Variants in EIF2AK4 observed in about 807,000 individuals in gnomAD.
EIF2AK4 encodes eIF-2-alpha kinase GCN2.
EIF2AK4 carries 139 observed loss-of-function variants against 211.1 expected under a neutral mutation model. The observed-to-expected ratio is 0.66, with a 90% CI of 0.57 to 0.76. The LOEUF (loss-of-function observed/expected upper bound fraction) is 0.76. Ranked by LOEUF, EIF2AK4 falls within the 30% of genes least tolerant of loss-of-function variation. The probability of loss-of-function intolerance (pLI) is 0.00; values close to 1 mark genes in which losing one functional copy is unlikely to be tolerated. For synonymous variants in EIF2AK4, 710 were observed against 751.3 expected, an observed-to-expected ratio of 0.94 and a Z score of 0.90; for missense variants, 1,664 against 2,043.8, an observed-to-expected ratio of 0.81 and a Z score of 3.58.
chr15:39,937,719 G>GT (rs546703062), intron 1 of EIF2AK4, among the ~76,000 whole-genome samples: 85 of 146,886 alleles, frequency 5.8e-4, no homozygotes, highest in Non-Finnish European at 7.7e-4. Context: ...ATATAAGTAG[G>GT]TTTTTTTTTT....
chr15:40,004,210 T>C (rs1253093583), intron 23 of EIF2AK4, among the ~76,000 whole-genome samples: 1 of 152,222 alleles, frequency 6.6e-6, no homozygotes, highest in Non-Finnish European at 1.5e-5. Flanking sequence ...AATAAAACTT[T>C]AAAAATTTTG....
intron 29 of EIF2AK4, among the ~76,000 whole-genome samples, chr15:40,018,244 T>C (rs929671427): frequency 6.6e-6 from 1 of 152,232 alleles, no homozygotes; most frequent in African/African-American, 2.4e-5. Context: ...GTTATTTGAG[T>C]TACTTTTCCC....
At chr15:39,957,646 TG>T (rs142471719) in intron 6 of EIF2AK4, among the ~76,000 whole-genome samples, 41,234 of 152,104 alleles carry the variant, frequency 0.27, 7,414 homozygotes, top group Non-Finnish European at 0.41. Context: ...GTGAGGTCTG[TG>T]AGAGCAAAGC....
intron 20 of EIF2AK4, 72 bp from the exon 21 acceptor site, chr15:40,000,916 C>T (rs559478314): frequency 1.1e-5 from 17 of 1,488,680 alleles, no homozygotes; most frequent in Non-Finnish European, 1.4e-5. Flanking sequence ...GAACTGACTA[C>T]TGACTTGTCC....
chr15:40,023,561 C>CT (rs1279197650), intron 32 of EIF2AK4, among the ~76,000 whole-genome samples: 2 of 152,186 alleles, frequency 1.3e-5, no homozygotes, highest in Non-Finnish European at 2.9e-5. Context: ...TCCATTTCGT[C>CT]TGAGTTTTCA....
intron 30 of EIF2AK4, among the ~76,000 whole-genome samples, chr15:40,020,332 CTAACA>C (rs893636744): frequency 2.0e-5 from 3 of 149,726 alleles, no homozygotes; most frequent in Non-Finnish European, 4.4e-5. Flanking sequence ...TCTTGAAAGA[CTAACA>C]TAACATTTTT....
At chr15:39,981,608 C>CTT (rs58381652) in intron 13 of EIF2AK4, among the ~76,000 whole-genome samples, 1 of 146,820 alleles carries the variant, frequency 6.8e-6, no homozygotes. Context: ...CAGAGCAGAG[C>CTT]TTTTTTTTTT....
rs763319411 is a variant in EIF2AK4, at chr15:39,967,347, C to G, written c.1021C>G (p.Gln341Glu). The G allele has an allele frequency of 2.0e-6, 3 of 1,531,196 alleles. No individual in the cohort carries two copies. The highest frequency in any genetic ancestry group is 2.7e-6 in the Non-Finnish European group (3 of 1,127,842). 94.9% of individuals were successfully genotyped at this position (1,531,196 alleles called of 1,614,324 possible). The change falls in exon 9 of 39, where the codon CAA becomes GAA. Residue 341 changes from glutamine to glutamate, a missense_variant. This residue lies in a region of EIF2AK4 where 641 missense variants were observed against 729.6 expected (regional missense o/e 0.88). Coordinates refer to ENST00000263791, the MANE Select transcript of EIF2AK4 (RefSeq NM_001013703.4). ...TTTTTTTTTTTTAACTTATCAGATT[C>G]AAGGAACAGAAACAGAATTCAACTC... ...EKIDKCKKQIQGTETEFNSLV... is the reference protein window; with the variant it reads ...EKIDKCKKQIEGTETEFNSLV...
At chr15:39,956,670 C>G (rs2034396860) in intron 6 of EIF2AK4, among the ~76,000 whole-genome samples, 1 of 152,088 alleles carries the variant, frequency 6.6e-6, no homozygotes, top group Admixed American at 6.5e-5. Context: ...TTGCTGTGGC[C>G]CCCTGTACAC....
chr15:39,997,823 T>C (rs552037301), intron 19 of EIF2AK4, among the ~76,000 whole-genome samples: 38 of 152,322 alleles, frequency 2.5e-4, no homozygotes, highest in Admixed American at 1.6e-3. Context: ...CGCATTAAGA[T>C]GAAAGTGAAG....
chr15:39,949,936 CTT>C (rs2034283451), intron 4 of EIF2AK4, among the ~76,000 whole-genome samples: 2 of 151,718 alleles, frequency 1.3e-5, no homozygotes, highest in Admixed American at 6.6e-5. Context: ...GATATAAACT[CTT>C]GTCTTATTTT....
At chr15:40,022,436 A>C (rs952935845) in intron 31 of EIF2AK4, 83 bp from the exon 32 acceptor site, 10 of 1,140,988 alleles carry the variant, frequency 8.8e-6, no homozygotes, top group Admixed American at 2.0e-5. Context: ...ATAATTGGAA[A>C]CAGTATTTTC....
rs115151100 is a variant in EIF2AK4 at position 40,003,663 on chromosome 15, G to A, written c.3357+349G>A. On this transcript the variant is annotated intron_variant, in intron 23 of 38. Coordinates refer to ENST00000263791, the MANE Select transcript of EIF2AK4 (RefSeq NM_001013703.4). ...GTTTGTCTTTTTAACTTCCTGGCTA[G>A]ATCTTCAGTAAACATCCTAACATGT... 5.4e-3 allele frequency among the ~76,000 whole-genome samples: 815 copies of A among 152,312 alleles called. 5 individuals are homozygous for A. The highest frequency in any genetic ancestry group is 0.019 in the African/African-American group (780 of 41,562).
intron 4 of EIF2AK4, among the ~76,000 whole-genome samples, chr15:39,952,226 C>T (rs888280856): frequency 5.3e-5 from 8 of 151,924 alleles, no homozygotes; most frequent in African/African-American, 1.9e-4. Context: ...TTAGACTTCC[C>T]ATTCAGGATT....
intron 21 of EIF2AK4, among the ~76,000 whole-genome samples, chr15:40,001,647 A>AG (rs1012165935): frequency 3.3e-5 from 5 of 151,610 alleles, no homozygotes; most frequent in Non-Finnish European, 7.4e-5. Context: ...AAAAAAAAAA[A>AG]AAAAGAAACA....
At chr15:40,000,241 G>A (rs2035072690) in intron 20 of EIF2AK4, among the ~76,000 whole-genome samples, 1 of 152,132 alleles carries the variant, frequency 6.6e-6, no homozygotes, top group Non-Finnish European at 1.5e-5. Flanking sequence ...CTAATTGCCT[G>A]TGTTTTTATT....
chr15:39,937,409 T>G (rs2034081372), intron 1 of EIF2AK4, among the ~76,000 whole-genome samples: 1 of 152,212 alleles, frequency 6.6e-6, no homozygotes, highest in Non-Finnish European at 1.5e-5. Context: ...CTGCTCATAC[T>G]CTGGTTTATT....
chr15:40,020,821 C>G, intron 30 of EIF2AK4, 78 bp from the exon 31 acceptor site: 1 of 1,364,674 alleles, frequency 7.3e-7, no homozygotes, highest in Non-Finnish European at 9.9e-7. Flanking sequence ...AGAGTGCTGC[C>G]TCCCCTCCTG....
At chr15:39,947,361 A>G (rs1314696027) in intron 3 of EIF2AK4, among the ~76,000 whole-genome samples, 4 of 152,244 alleles carry the variant, frequency 2.6e-5, no homozygotes, top group Non-Finnish European at 5.9e-5. Context: ...AATGGAAATA[A>G]GTACTCAAAA....
Sources: gnomAD v4.1 joint callset for allele counts (sites outside exome capture counted in the v4.1 genomes callset) on GRCh38, gnomAD v4.1.1 for gene constraint, gnomAD v4.1.1 regional missense constraint, MANE v1.5 for transcripts, NCBI Gene and HGNC (gene_info 2026-07-23, HGNC 2026-07-21) for gene names.